The following HPGDS variants were observed in gnomAD, a reference collection of about 807,000 sequenced individuals.
HPGDS encodes the protein GST class-sigma.
HPGDS carries 26 observed loss-of-function variants against 23.1 expected under a neutral mutation model. The observed-to-expected ratio is 1.13, with a 90% CI of 0.83 to 1.56. The LOEUF is 1.56. Ranked by LOEUF, HPGDS falls within the 40% of genes most tolerant of loss-of-function variation. HPGDS has a pLI of 0.00. For missense variants in HPGDS, 268 were observed against 236.4 expected, an observed-to-expected ratio of 1.13 and a Z score of -0.88; for synonymous variants, 95 against 77.9, an observed-to-expected ratio of 1.22 and a Z score of -1.16.
chr4:94,334,540 T>G lies in HPGDS; in HGVS notation c.90A>C (p.Glu30Asp). 1 of 1,613,272 alleles carries G rather than the reference T, an allele frequency of 6.2e-7. No homozygotes were observed. The highest frequency in any genetic ancestry group is 1.1e-5 in the South Asian group (1 of 90,942). Residue 30 changes from glutamate (E) to aspartate (D), a missense_variant, in exon 2 of 6, where the codon GAA becomes GAC. Glu to Asp is a conservative substitution (Grantham distance 45). Coordinates refer to ENST00000295256, the MANE Select transcript of HPGDS (RefSeq NM_014485.3). ...AGTCAGCTTGTTCTATTCTGTGGTCTTCATACTGTATGTCCAAATAAGCAA... is the reference window on the plus strand; with the variant it reads ...AGTCAGCTTGTTCTATTCTGTGGTCGTCATACTGTATGTCCAAATAAGCAA... ...YIFAYLDIQY[E>D]DHRIEQADWP...
At chr4:94,327,592 G>A (rs10461126) in intron 2 of HPGDS, among the ~76,000 whole-genome samples, 1 of 152,176 alleles carries the variant, frequency 6.6e-6, no homozygotes, top group Admixed American at 6.5e-5. Flanking sequence ...GGTGCATGAA[G>A]GTACATTGTG....
chr4:94,312,948 A>G (rs1307156386), intron 3 of HPGDS, among the ~76,000 whole-genome samples: 1 of 152,056 alleles, frequency 6.6e-6, no homozygotes, highest in African/African-American at 2.4e-5. Flanking sequence ...ATCAGAGACT[A>G]GGATTGCAAC....
intron 2 of HPGDS, among the ~76,000 whole-genome samples, chr4:94,321,023 C>A (rs1421076586): frequency 6.6e-6 from 1 of 152,122 alleles, no homozygotes; most frequent in Non-Finnish European, 1.5e-5. Context: ...ATAGGGAATC[C>A]TTCCCCCATT....
intron 3 of HPGDS, among the ~76,000 whole-genome samples, chr4:94,313,547 C>T (rs1439062742): frequency 1.3e-5 from 2 of 152,210 alleles, no homozygotes; most frequent in Admixed American, 1.3e-4. Flanking sequence ...GTAACCCGAC[C>T]TTTCTCTTTG....
Position 94,299,394 on chromosome 4 carries a change from G to T in HPGDS, c.*86C>A. ...TAGTGGAGCTGGGGAGGGAGCATGT[G>T]GATTATCTGGCAGGCTGATGTAGCT... On this transcript the variant is annotated 3_prime_UTR_variant, in exon 6 of 6. Transcript: ENST00000295256. 8.4e-7 allele frequency: 1 copy of T among 1,188,768 alleles called. No individual in the cohort carries two copies. Among genetic ancestry groups the T allele is most frequent in the Non-Finnish European group, 1.2e-6 (1 of 863,448 alleles). The allele number at this position is 1,188,768 out of a possible 1,614,324, so 73.6% of individuals were successfully genotyped here. A position where few individuals can be genotyped will look rare whatever the true frequency, so the allele number is the denominator to read the frequency against.
rs527670749 is a variant in HPGDS at position 94,299,208 on chromosome 4, G to C, written c.*272C>G. ...TGCTAAACCATTATGACTGCAATTC[G>C]TGCATGTTAGAACCTGTGCAAAGCA... On this transcript the variant is annotated 3_prime_UTR_variant, in exon 6 of 6. Coordinates refer to ENST00000295256, the MANE Select transcript of HPGDS (RefSeq NM_014485.3). The C allele has an allele frequency of 7.2e-6, 2 of 279,286 alleles. No individual in the cohort carries two copies. The highest frequency in any genetic ancestry group is 2.6e-4 in the South Asian group (2 of 7,782). The allele number at this position is 279,286 out of a possible 1,614,324, so 17.3% of individuals were successfully genotyped here.
At chr4:94,310,072 C>T (rs374206031) in intron 3 of HPGDS, among the ~76,000 whole-genome samples, 6 of 152,096 alleles carry the variant, frequency 3.9e-5, no homozygotes, top group Non-Finnish European at 7.4e-5. Context: ...TTCTCCCATT[C>T]TGTAGGTTGC....
intron 4 of HPGDS, among the ~76,000 whole-genome samples, chr4:94,307,254 G>T (rs1756156282): frequency 6.6e-6 from 1 of 151,214 alleles, no homozygotes; most frequent in Admixed American, 6.6e-5. Context: ...GCTCTTAGAG[G>T]ACTGTTCCAC....
intron 2 of HPGDS, among the ~76,000 whole-genome samples, chr4:94,321,543 T>C (rs1478927769): frequency 2.6e-4 from 40 of 152,214 alleles, no homozygotes; most frequent in Admixed American, 1.2e-3. Flanking sequence ...TGGGAGTTAA[T>C]TCATGATTTG....
intron 2 of HPGDS, 32 bp downstream of exon 2, chr4:94,334,465 T>G: frequency 1.3e-6 from 2 of 1,540,318 alleles, no homozygotes; most frequent in South Asian, 1.3e-5. Flanking sequence ...TGAAAGCATA[T>G]TTTTCCTACA....
intron 5 of HPGDS, among the ~76,000 whole-genome samples, chr4:94,301,824 C>A (rs1756045820): frequency 6.6e-6 from 1 of 151,996 alleles, no homozygotes. Flanking sequence ...AATGATACTT[C>A]TTGAAATAGT....
chr4:94,334,363 T>C (rs767070362), intron 2 of HPGDS, 134 bp downstream of exon 2: 9 of 710,044 alleles, frequency 1.3e-5, no homozygotes, highest in Non-Finnish European at 1.9e-5. Context: ...CAGCATTTAT[T>C]TAGTCTGAAC....
At chr4:94,316,654 G>A (rs1756404213) in intron 3 of HPGDS, among the ~76,000 whole-genome samples, 1 of 152,156 alleles carries the variant, frequency 6.6e-6, no homozygotes, top group African/African-American at 2.4e-5. Flanking sequence ...CAAATTTGAA[G>A]TTCATTCTTC....
chr4:94,305,845 C>T (rs1756129183), intron 4 of HPGDS, among the ~76,000 whole-genome samples: 1 of 152,016 alleles, frequency 6.6e-6, no homozygotes, highest in Non-Finnish European at 1.5e-5. Context: ...CAATTGTATA[C>T]CTAGGTGATG....
At chr4:94,300,704 A>G (rs1341656280) in intron 5 of HPGDS, among the ~76,000 whole-genome samples, 1 of 151,386 alleles carries the variant, frequency 6.6e-6, no homozygotes, top group Non-Finnish European at 1.5e-5. Context: ...AAAAGCAAAT[A>G]TGCAAAATGA....
intron 2 of HPGDS, among the ~76,000 whole-genome samples, chr4:94,327,453 A>G (rs199680066): frequency 6.6e-6 from 1 of 152,166 alleles, no homozygotes; most frequent in East Asian, 1.9e-4. Context: ...TGGCAGTGGT[A>G]GTGGGTGGGG....
chr4:94,338,101 C>T (rs1048568102), intron 1 of HPGDS, among the ~76,000 whole-genome samples: 5 of 152,118 alleles, frequency 3.3e-5, no homozygotes, highest in Non-Finnish European at 7.4e-5. Context: ...TATATCAGAA[C>T]ATCCATCTGT....
chr4:94,340,309 CTCTTTTTTTTTTTTT>C (rs1721123988), intron 1 of HPGDS, among the ~76,000 whole-genome samples: 25 of 28,768 alleles, frequency 8.7e-4, no homozygotes, highest in Admixed American at 2.0e-3. Context: ...TTCTTTCTTT[CTCTTTTTTTTTTTTT>C]TTTTTTTTTT....
chr4:94,315,708 C>A (rs372085508), intron 3 of HPGDS, among the ~76,000 whole-genome samples: 6 of 152,206 alleles, frequency 3.9e-5, no homozygotes, highest in African/African-American at 1.4e-4. Context: ...GTGTTAAAAT[C>A]GAAAGAAAAT....
Sources: gnomAD v4.1 joint callset for allele counts (sites outside exome capture counted in the v4.1 genomes callset) on GRCh38, gnomAD v4.1.1 for gene constraint, MANE v1.5 for transcripts, NCBI Gene and HGNC (gene_info 2026-07-23, HGNC 2026-07-21) for gene names.